The following UTP4 variants were observed in gnomAD, a reference collection of about 807,000 sequenced individuals.
UTP4 encodes U3 small nucleolar RNA-associated protein 4 homolog.
UTP4 carries 45 observed loss-of-function variants against 82.4 expected under a neutral mutation model. The observed-to-expected ratio is 0.55, with a 90% confidence interval of 0.43 to 0.70. The LOEUF is 0.70. Among genes scored for constraint, UTP4 ranks in the 30% least tolerant of loss-of-function variants. The pLI is 0.00. For synonymous variants in UTP4, 348 were observed against 300.3 expected, an observed-to-expected ratio of 1.16 and a Z score of -1.64; for missense variants, 819 against 858.3, an observed-to-expected ratio of 0.95 and a Z score of 0.57.
At chr16:69,144,716 T>C (rs571153219) in intron 6 of UTP4, among the ~76,000 whole-genome samples, 1 of 152,352 alleles carries the variant, frequency 6.6e-6, no homozygotes, top group African/African-American at 2.4e-5. Flanking sequence ...AACAGTTTGA[T>C]GTATGTTAAG....
At chr16:69,163,887 T>A (rs978684592) in intron 14 of UTP4, among the ~76,000 whole-genome samples, 1 of 139,306 alleles carries the variant, frequency 7.2e-6, no homozygotes, top group Non-Finnish European at 1.6e-5. Flanking sequence ...TCAGTTTGTT[T>A]TTTTTTTTTT....
chr16:69,161,463 T>G (rs577531677), intron 13 of UTP4, among the ~76,000 whole-genome samples: 74 of 152,268 alleles, frequency 4.9e-4, no homozygotes, highest in African/African-American at 1.8e-3. Flanking sequence ...ATTTAAAGAG[T>G]GTTTGTGTGT....
At chr16:69,143,887 C>CT (rs962608252) in intron 6 of UTP4, among the ~76,000 whole-genome samples, 103 of 149,558 alleles carry the variant, frequency 6.9e-4, no homozygotes, top group African/African-American at 2.3e-3. Flanking sequence ...AGTAGTAGTT[C>CT]TTTTTTTTTC....
rs199848696 is a variant in UTP4, at chr16:69,167,061, C to G, written c.1834-14C>G. 11 of 1,572,634 alleles carry G rather than the reference C, an allele frequency of 7.0e-6. No individual in the cohort carries two copies. The East Asian group carries it at 2.5e-4, about 35-fold the overall frequency. Reference sequence around the variant, plus strand: ...AAAAGTAACCATTTAAACAATGTGTCTTTGTTTTTTTAGCCCCTTCCAAAT... The same window carrying G: ...AAAAGTAACCATTTAAACAATGTGTGTTTGTTTTTTTAGCCCCTTCCAAAT... On this transcript the variant is annotated splice_polypyrimidine_tract_variant and intron_variant, in intron 15 of 16. Transcript: ENST00000314423.
chr16:69,145,768 C>A (rs1963092993), intron 6 of UTP4, among the ~76,000 whole-genome samples: 1 of 151,982 alleles, frequency 6.6e-6, no homozygotes, highest in African/African-American at 2.4e-5. Context: ...ACAGTCATGA[C>A]CCTGCAAGAG....
chr16:69,148,931 G>T (rs1448232639), intron 6 of UTP4, among the ~76,000 whole-genome samples: 1 of 152,014 alleles, frequency 6.6e-6, no homozygotes, highest in African/African-American at 2.4e-5. Context: ...TTTTTGTGTT[G>T]TGAGTTGTGT....
At chr16:69,155,314 C>T (rs937770863) in intron 10 of UTP4, among the ~76,000 whole-genome samples, 4 of 152,102 alleles carry the variant, frequency 2.6e-5, no homozygotes, top group African/African-American at 9.7e-5. Flanking sequence ...GCTGGGACTA[C>T]AGGTGTGCAC....
chr16:69,158,292 C>T (rs1597149630), intron 12 of UTP4, among the ~76,000 whole-genome samples: 1 of 149,390 alleles, frequency 6.7e-6, no homozygotes, highest in Admixed American at 6.8e-5. Context: ...TCCACCTCAG[C>T]CTCCCAAGTA....
chr16:69,150,464 A>C, intron 6 of UTP4, 73 bp from the exon 7 acceptor site: 1 of 1,545,546 alleles, frequency 6.5e-7, no homozygotes, highest in Non-Finnish European at 8.9e-7. Flanking sequence ...GCTGAGACAG[A>C]AAGCCTCGGA....
intron 13 of UTP4, among the ~76,000 whole-genome samples, chr16:69,161,240 A>G (rs1963554935): frequency 6.6e-6 from 1 of 152,274 alleles, no homozygotes; most frequent in South Asian, 2.1e-4. Flanking sequence ...GCTGTCAGTC[A>G]TAAATTGAGT....
Position 69,132,695 on chromosome 16 carries a change from T to G in UTP4, c.-3+6T>G. On this transcript the variant is annotated splice_donor_region_variant and intron_variant, in intron 1 of 16. Coordinates refer to ENST00000314423, the MANE Select transcript of UTP4 (RefSeq NM_032830.3). ...AGGGGAGCGTGGGGCCGCTGGTGAG[T>G]TGGGGAAGGGGCGTGGGAAGCGGCT... 3.2e-6 allele frequency: 1 copy of G among 314,908 alleles called. No homozygotes were observed. Among genetic ancestry groups the G allele is most frequent in the East Asian group, 1.6e-4 (1 of 6,222 alleles). The allele number at this position is 314,908 out of a possible 1,614,324, so 19.5% of individuals were successfully genotyped here. A position where few individuals can be genotyped will look rare whatever the true frequency, so the allele number is the denominator to read the frequency against.
chr16:69,153,584 C>A lies in UTP4; in HGVS notation c.1003C>A (p.Arg335=). The A allele has an allele frequency of 6.2e-7, 1 of 1,610,102 alleles. No individual in the cohort carries two copies. ...AALRKITFPH[R]CLISCSKKRQ... ...TTAACTTCTTGATTCTTGGATATAG[C>A]GATGTCTCATCTCCTGTTCTAAAAA... The change falls in exon 9 of 17, where the codon CGA becomes AGA. Residue 335 remains arginine, a splice_region_variant and synonymous_variant. Coordinates refer to ENST00000314423, the MANE Select transcript of UTP4 (RefSeq NM_032830.3).
At chr16:69,154,198 A>T (rs191124564) in intron 9 of UTP4, among the ~76,000 whole-genome samples, 195 bp from the exon 10 acceptor site, 2 of 152,308 alleles carry the variant, frequency 1.3e-5, no homozygotes, top group East Asian at 3.9e-4. Context: ...GTATCAGAGG[A>T]TAGAAGCAAA....
chr16:69,138,817 C>T lies in UTP4; in HGVS notation c.436+932C>T, dbSNP rs55990286. 1.4e-3 allele frequency among the ~76,000 whole-genome samples: 211 copies of T among 152,298 alleles called. No individual in the cohort carries two copies. In the Middle Eastern group the frequency reaches 0.017, roughly 12 times the overall value. On this transcript the variant is annotated intron_variant, in intron 4 of 16. Transcript: ENST00000314423. Reference sequence around the variant, plus strand: ...CCAGTAAAAACTTTATTTACAAAAACAAGCAGTGGGCCTGATTTGGCCTGT... The same window carrying T: ...CCAGTAAAAACTTTATTTACAAAAATAAGCAGTGGGCCTGATTTGGCCTGT...
At chr16:69,150,791 A>C in intron 7 of UTP4, 22 bp from the exon 8 acceptor site, 1 of 1,612,922 alleles carries the variant, frequency 6.2e-7, no homozygotes, top group South Asian at 1.1e-5. Flanking sequence ...AATTCTGTAC[A>C]CCTTCTCCCC....
Position 69,161,672 on chromosome 16 carries a change from T to C in UTP4, c.1551+1210T>C, listed in dbSNP as rs112760406. 1.3e-3 allele frequency among the ~76,000 whole-genome samples: 203 copies of C among 152,284 alleles called. No individual in the cohort carries two copies. The Middle Eastern group carries it at 0.014, about 10-fold the overall frequency. On this transcript the variant is annotated intron_variant, in intron 13 of 16. Coordinates refer to ENST00000314423, the MANE Select transcript of UTP4 (RefSeq NM_032830.3). ...AGTTTTGTACGCGGTTAAATAAGCT[T>C]TTTATTTTTTTGAGACAGGGTTTCA...
chr16:69,168,219 G>A (rs917585873), intron 16 of UTP4, among the ~76,000 whole-genome samples: 2 of 151,984 alleles, frequency 1.3e-5, no homozygotes, highest in African/African-American at 2.4e-5. Context: ...GGCGGATCAC[G>A]AGTTCAGGAG....
intron 8 of UTP4, among the ~76,000 whole-genome samples, chr16:69,151,866 A>T (rs1464864003): frequency 2.6e-5 from 4 of 151,526 alleles, no homozygotes; most frequent in Non-Finnish European, 5.9e-5. Flanking sequence ...TGGGAGCGGG[A>T]AAACCCAGGC....
intron 6 of UTP4, among the ~76,000 whole-genome samples, chr16:69,143,692 C>T (rs920317397): frequency 3.3e-5 from 5 of 152,022 alleles, no homozygotes; most frequent in South Asian, 4.1e-4. Context: ...TCTGGAGAAG[C>T]GCTATGTTTA....
Sources: gnomAD v4.1 joint callset for allele counts (sites outside exome capture counted in the v4.1 genomes callset) on GRCh38, gnomAD v4.1.1 for gene constraint, MANE v1.5 for transcripts, NCBI Gene and HGNC (gene_info 2026-07-23, HGNC 2026-07-21) for gene names.